OSBP2: variants seen among roughly 807,000 people sequenced by gnomAD.
OSBP2 encodes the protein oxysterol-binding protein 2.
Under a neutral mutation model 96.0 loss-of-function variants are expected in OSBP2, and 66 were observed. That is an observed-to-expected ratio of 0.69 (90% CI 0.56 to 0.84). The LOEUF (loss-of-function observed/expected upper bound fraction) is 0.84, where lower values mean the gene tolerates loss of function less well. Ranked by LOEUF, OSBP2 falls within the 40% of genes least tolerant of loss-of-function variation. The probability of loss-of-function intolerance (pLI) is 0.00; values close to 1 mark genes in which losing one functional copy is unlikely to be tolerated. For synonymous variants in OSBP2, 525 were observed against 520.9 expected (o/e 1.01, Z -0.11); for missense variants, 1,038 against 1,222.7 (o/e 0.85, Z 2.25).
At chr22:30,694,114 G>A (rs1156550105), upstream of OSBP2, 4 of 1,549,384 alleles carry the variant, frequency 2.6e-6, no homozygotes, top group Non-Finnish European at 3.5e-6. Context: ...AGCCTACCCA[G>A]GGATCCCGGG....
intron 3 of OSBP2, among the ~76,000 whole-genome samples, chr22:30,882,963 C>T (rs1281270978): frequency 6.6e-6 from 1 of 152,190 alleles, no homozygotes; most frequent in Non-Finnish European, 1.5e-5. Flanking sequence ...CTTACCATGA[C>T]CTTTGGCTAC....
intron 1 of OSBP2, among the ~76,000 whole-genome samples, chr22:30,721,943 G>T (rs1602169973): frequency 6.6e-6 from 1 of 152,206 alleles, no homozygotes; most frequent in East Asian, 1.9e-4. Flanking sequence ...GTGAAAGGAA[G>T]AATCTGGGTT....
At chr22:30,801,748 A>T (rs2090853850) in intron 2 of OSBP2, among the ~76,000 whole-genome samples, 1 of 152,206 alleles carries the variant, frequency 6.6e-6, no homozygotes, top group African/African-American at 2.4e-5. Context: ...CTGAGACAGC[A>T]GAGTCACTTG....
intron 2 of OSBP2, among the ~76,000 whole-genome samples, chr22:30,822,008 C>A (rs2038282618): frequency 6.6e-6 from 1 of 152,256 alleles, no homozygotes; most frequent in Non-Finnish European, 1.5e-5. Flanking sequence ...GGCAGCAGAA[C>A]TAAGGGAGCC....
At chr22:30,860,082 A>T (rs2039179840) in intron 2 of OSBP2, among the ~76,000 whole-genome samples, 1 of 152,224 alleles carries the variant, frequency 6.6e-6, no homozygotes, top group Admixed American at 6.5e-5. Flanking sequence ...TACCTTGGCT[A>T]CAGCACTAAA....
At chr22:30,887,097 T>C (rs566085452) in intron 3 of OSBP2, among the ~76,000 whole-genome samples, 1 of 152,330 alleles carries the variant, frequency 6.6e-6, no homozygotes, top group South Asian at 2.1e-4. Flanking sequence ...GACTTCCTGA[T>C]GTTGCCATGG....
chr22:30,901,563 G>A (rs972333128), intron 12 of OSBP2, among the ~76,000 whole-genome samples: 1 of 152,094 alleles, frequency 6.6e-6, no homozygotes, highest in African/African-American at 2.4e-5. Context: ...TACAACACTC[G>A]GGAAAACAGT....
upstream of OSBP2, chr22:30,694,121 CG>C: frequency 6.5e-7 from 1 of 1,549,190 alleles, no homozygotes; most frequent in African/African-American, 1.4e-5. Flanking sequence ...CCAGGGATCC[CG>C]GGAGGTCCAA....
intron 2 of OSBP2, among the ~76,000 whole-genome samples, chr22:30,860,260 G>A (rs142837910): frequency 2.6e-5 from 4 of 152,212 alleles, no homozygotes; most frequent in East Asian, 1.9e-4. Context: ...ATTGTATCTC[G>A]GAGCAGGCAG....
intron 2 of OSBP2, among the ~76,000 whole-genome samples, chr22:30,869,206 G>A (rs1445919220): frequency 6.6e-6 from 1 of 152,226 alleles, no homozygotes; most frequent in Non-Finnish European, 1.5e-5. Context: ...AGAGAGGTAA[G>A]AGGGGGCGTG....
At chr22:30,805,398 T>C (rs1284719768) in intron 2 of OSBP2, among the ~76,000 whole-genome samples, 1 of 152,240 alleles carries the variant, frequency 6.6e-6, no homozygotes, top group Non-Finnish European at 1.5e-5. Flanking sequence ...AGCTGTGTGA[T>C]GTTAATGAGT....
rs1420112839 is a variant in OSBP2 at position 30,862,972 on chromosome 22, AAAAAG to A, written c.854-7452_854-7448del. Among the ~76,000 whole-genome samples, 6 of 152,032 alleles carry A rather than the reference AAAAAG, an allele frequency of 3.9e-5. No homozygotes were observed. In the East Asian group the frequency reaches 1.2e-3, roughly 29 times the overall value. ...CGGGTGACTCTGTCTCAAAAAAAAA[AAAAAG>A]AAAAAAAGAAAAAATAATCAACAGA... On this transcript the variant is annotated intron_variant, in intron 2 of 13. Transcript: ENST00000332585.
rs1569163977 is a variant in OSBP2 at position 30,881,960 on chromosome 22, CTG to C, written c.1108-5463_1108-5462del. 6.6e-6 allele frequency among the ~76,000 whole-genome samples: 1 copy of C among 152,172 alleles called. No homozygotes were observed. The highest frequency in any genetic ancestry group is 1.5e-5 in the Non-Finnish European group (1 of 68,026). ...TTCACCCTGCCCCGCTTTTAGGTGA[CTG>C]TGACACTCTACGACCTGCATGTGCC... On this transcript the variant is annotated intron_variant, in intron 3 of 13. Transcript: ENST00000332585. This position sits in a 1 kb window ranked among gnomAD's most constrained non-coding sequence, Gnocchi z 4.5.
intron 12 of OSBP2, chr22:30,894,559 CA>C (rs1232750760): frequency 6.5e-6 from 1 of 152,998 alleles, no homozygotes; most frequent in Non-Finnish European, 1.5e-5. Context: ...AGTCTCCCGT[CA>C]GACCTCCTGC....
Position 30,893,885 on chromosome 22 carries a change from A to G in OSBP2, c.2259A>G (p.Gln753=), listed in dbSNP as rs768757849. ...TGCTGTCCGGCTCGTGGGATGAACAAATGGAGTGCTCCAAGGTCATGCATA... is the reference window on the plus strand; with the variant it reads ...TGCTGTCCGGCTCGTGGGATGAACAGATGGAGTGCTCCAAGGTCATGCATA... The part of the protein sequence containing the change: ...HYVLSGSWDE[Q]MECSKVMHSS... Residue 753 remains glutamine (Q), a synonymous_variant, in exon 12 of 14, where the codon CAA becomes CAG. Transcript: ENST00000332585. The G allele has an allele frequency of 6.3e-7, 1 of 1,584,644 alleles. No homozygotes were observed. The highest frequency in any genetic ancestry group is 1.1e-5 in the South Asian group (1 of 87,358).
chr22:30,803,957 G>A (rs1183266527), intron 2 of OSBP2, among the ~76,000 whole-genome samples: 1 of 152,238 alleles, frequency 6.6e-6, no homozygotes, highest in Non-Finnish European at 1.5e-5. Flanking sequence ...TACCCAGCCA[G>A]AGGAGCTCTG....
intron 2 of OSBP2, among the ~76,000 whole-genome samples, chr22:30,743,449 G>A (rs182497550): frequency 1.1e-4 from 17 of 152,180 alleles, no homozygotes; most frequent in African/African-American, 3.9e-4. Context: ...GCTTGACGGC[G>A]GTCCCCCGGG....
At chr22:30,844,388 AT>A (rs1408071513) in intron 2 of OSBP2, 2 of 152,354 alleles carry the variant, frequency 1.3e-5, no homozygotes, top group African/African-American at 4.8e-5. Context: ...CTGTTGTGTA[AT>A]GTAGCCACCT....
intron 2 of OSBP2, among the ~76,000 whole-genome samples, chr22:30,827,956 G>A (rs541431274): frequency 6.6e-6 from 1 of 152,336 alleles, no homozygotes; most frequent in Admixed American, 6.5e-5. Flanking sequence ...GCCAGAGCCT[G>A]CACCCCCAGC....
Sources: gnomAD v4.1 joint callset for allele counts (sites outside exome capture counted in the v4.1 genomes callset) on GRCh38, gnomAD v4.1.1 for gene constraint, Gnocchi (gnomAD v3.1) non-coding constraint, MANE v1.5 for transcripts, NCBI Gene and HGNC (gene_info 2026-07-23, HGNC 2026-07-21) for gene names.